USP31: variants seen among roughly 807,000 people sequenced by gnomAD.
USP31 encodes the protein ubiquitin specific peptidase 31, also known as ubiquitin carboxyl-terminal hydrolase 31.
Under a neutral mutation model 119.4 loss-of-function variants are expected in USP31, and 44 were observed. The observed-to-expected ratio is 0.37, with a 90% CI of 0.29 to 0.47. The LOEUF (loss-of-function observed/expected upper bound fraction) is 0.47, where lower values mean the gene tolerates loss of function less well. Among genes scored for constraint, USP31 ranks in the 20% least tolerant of loss-of-function variants. USP31 has a pLI of 0.99. For synonymous variants in USP31, 749 were observed against 705.6 expected (o/e 1.06, Z -0.97); for missense variants, 1,643 against 1,730.2 (o/e 0.95, Z 0.89).
In USP31 at chr16:23,080,099, C is replaced by T. The variant is rs201028579; in HGVS notation, c.2023G>A (p.Val675Met). The change falls in exon 13 of 16, where the codon GTG becomes ATG. Residue 675 changes from valine (V) to methionine (M), a missense_variant. Physicochemically the swap from Val to Met is conservative, Grantham distance 21 (BLOSUM62 1). Coordinates refer to ENST00000219689, the MANE Select transcript of USP31 (RefSeq NM_020718.4). ...CAGCTGCTCTGGCTCCTCTTAACCA[C>T]GTGAGGTGTCATGTCCAGGCCAGTC... is the stretch of plus-strand genomic sequence containing the variant. The part of the protein sequence containing the change: ...PLTGLDMTPH[V>M]VKRSQSSWSL... 34 of 1,611,726 alleles carry T rather than the reference C, an allele frequency of 2.1e-5. No homozygotes were observed. Among genetic ancestry groups the T allele is most frequent in the Admixed American group, 5.0e-5 (3 of 59,748 alleles).
intron 1 of USP31, among the ~76,000 whole-genome samples, chr16:23,126,146 T>A (rs764734899): frequency 2.0e-5 from 3 of 150,702 alleles, no homozygotes; most frequent in Non-Finnish European, 4.4e-5. Flanking sequence ...CAAGAATCTG[T>A]CTCTACAAGA....
chr16:23,095,342 C>T (rs1253332342), intron 6 of USP31, among the ~76,000 whole-genome samples: 2 of 152,084 alleles, frequency 1.3e-5, no homozygotes. Flanking sequence ...AAATATGGGG[C>T]TACGTGAAAA....
chr16:23,120,335 A>G (rs1206549015), intron 1 of USP31, among the ~76,000 whole-genome samples: 1 of 152,270 alleles, frequency 6.6e-6, no homozygotes, highest in Non-Finnish European at 1.5e-5. Flanking sequence ...CAAATGGTTG[A>G]GGGTTTAAAA....
Position 23,090,776 on chromosome 16 carries a change from G to C in USP31, c.1263C>G (p.His421Gln). 6.2e-7 allele frequency: 1 copy of C among 1,600,736 alleles called. No homozygotes were observed. The highest frequency in any genetic ancestry group is 8.5e-7 in the Non-Finnish European group (1 of 1,169,772). The change falls in exon 7 of 16, where the codon CAC becomes CAG. Residue 421 changes from histidine to glutamine, a missense_variant. Coordinates refer to ENST00000219689, the MANE Select transcript of USP31 (RefSeq NM_020718.4). ...TATGATAATCCAAGCCAAATTTCAA[G>C]TGGTTTAGGTTGTTGTTTAAATGAA... ...RGIHLNNNLNHLKFGLDYHRL... is the reference protein window; with the variant it reads ...RGIHLNNNLNQLKFGLDYHRL...
chr16:23,069,391 T>C lies in USP31; in HGVS notation c.2714A>G (p.Asp905Gly). 1 of 1,611,502 alleles carries C rather than the reference T, an allele frequency of 6.2e-7. No individual in the cohort carries two copies. The highest frequency in any genetic ancestry group is 1.7e-5 in the Admixed American group (1 of 59,948). Residue 905 changes from aspartate to glycine, a missense_variant, in exon 16 of 16, where the codon GAC becomes GGC. Around this residue, in one of 5 missense-constraint regions of USP31, gnomAD observed 699 missense variants for 650.9 expected, o/e 1.07. Coordinates refer to ENST00000219689, the MANE Select transcript of USP31 (RefSeq NM_020718.4). ...ACCAAAGCAAGAGATGGAGACCTTG[T>C]CATCTGCTGCCTCCCCAATCTTCTC... The part of the protein sequence containing the change: ...TLEKIGEAAD[D>G]KVSISCFGSL...
chr16:23,082,592 C>T, intron 11 of USP31, 35 bp from the exon 12 acceptor site: 1 of 1,613,056 alleles, frequency 6.2e-7, no homozygotes. Context: ...TTAAGTGCCA[C>T]TTAATGCAAG....
intron 1 of USP31, among the ~76,000 whole-genome samples, chr16:23,139,061 T>C (rs1420575148): frequency 6.6e-6 from 1 of 152,242 alleles, no homozygotes; most frequent in African/African-American, 2.4e-5. Flanking sequence ...TAAATCTATA[T>C]ATCCTGTCTG....
rs1174014441 is a variant in USP31, at chr16:23,067,724, AG to A, written c.*321del. On this transcript the variant is annotated 3_prime_UTR_variant, in exon 16 of 16. Coordinates refer to ENST00000219689, the MANE Select transcript of USP31 (RefSeq NM_020718.4). ...CAGGTTTCAAAACCCTCATATCCAAAGAAAGTCATTAGAGTTCTCTAGAAAG... is the reference window on the plus strand; with the variant it reads ...CAGGTTTCAAAACCCTCATATCCAAAAAAGTCATTAGAGTTCTCTAGAAAG... 2 of 195,040 alleles carry A rather than the reference AG, an allele frequency of 1.0e-5. No homozygotes were observed. Among genetic ancestry groups the A allele is most frequent in the Non-Finnish European group, 2.1e-5 (2 of 95,444 alleles). The allele number at this position is 195,040 out of a possible 1,614,324, so 12.1% of individuals were successfully genotyped here. A position where few individuals can be genotyped will look rare whatever the true frequency, so the allele number is the denominator to read the frequency against.
intron 13 of USP31, 24 bp from the exon 14 acceptor site, chr16:23,073,904 G>C (rs1336767138): frequency 6.2e-7 from 1 of 1,613,118 alleles, no homozygotes; most frequent in Non-Finnish European, 8.5e-7. Context: ...CCCGCCATCA[G>C]CACCAGGGGA....
At chr16:23,101,668 GGGTAGAGCAA>G (rs1901868014) in intron 6 of USP31, among the ~76,000 whole-genome samples, 2 of 151,990 alleles carry the variant, frequency 1.3e-5, no homozygotes, top group Non-Finnish European at 2.9e-5. Flanking sequence ...ATAACCACTG[GGGTAGAGCAA>G]AAGAAGAGGA....
intron 1 of USP31, among the ~76,000 whole-genome samples, chr16:23,142,903 G>A (rs1488548955): frequency 6.6e-6 from 1 of 152,178 alleles, no homozygotes; most frequent in Non-Finnish European, 1.5e-5. Flanking sequence ...AAACACTGAA[G>A]TATCAGTATA....
intron 13 of USP31, among the ~76,000 whole-genome samples, chr16:23,076,857 T>C (rs547253146): frequency 2.6e-5 from 4 of 152,166 alleles, no homozygotes; most frequent in African/African-American, 7.2e-5. Context: ...ACCGGGTGAG[T>C]TGTGAAGTTA....
At chr16:23,101,990 A>C (rs913488601) in intron 6 of USP31, among the ~76,000 whole-genome samples, 4 of 149,828 alleles carry the variant, frequency 2.7e-5, no homozygotes, top group African/African-American at 9.8e-5. Flanking sequence ...AAAAAAAAAA[A>C]AAAAACCTAT....
chr16:23,121,702 G>C (rs893479141), intron 1 of USP31, among the ~76,000 whole-genome samples: 2 of 152,150 alleles, frequency 1.3e-5, no homozygotes, highest in African/African-American at 4.8e-5. Context: ...ACAATGAAAT[G>C]CTATTTTCTA....
At chr16:23,083,355 T>G (rs1900923778) in intron 11 of USP31, among the ~76,000 whole-genome samples, 1 of 152,176 alleles carries the variant, frequency 6.6e-6, no homozygotes, top group African/African-American at 2.4e-5. Context: ...TCCACTAGAC[T>G]ACAAACAGCA....
chr16:23,102,306 G>A lies in USP31; in HGVS notation c.1234+13C>T. The A allele has an allele frequency of 1.9e-6, 3 of 1,608,454 alleles. No homozygotes were observed. The highest frequency in any genetic ancestry group is 2.5e-6 in the Non-Finnish European group (3 of 1,178,142). ...AAACCCAGGTGGCATTATGGAAACA[G>A]GAGCTCCCTTACCTCTTTGACTGAG... On this transcript the variant is annotated intron_variant, in intron 6 of 15. Transcript: ENST00000219689.
intron 1 of USP31, among the ~76,000 whole-genome samples, chr16:23,115,010 C>T (rs1454678729): frequency 3.3e-5 from 5 of 151,270 alleles, no homozygotes; most frequent in African/African-American, 1.2e-4. Context: ...GAATCCTAAG[C>T]TCAAGCTCCG....
rs1900444194 is a variant in USP31, at chr16:23,073,810, T to C, written c.2247A>G (p.Glu749=). 1 of 1,614,196 alleles carries C rather than the reference T, an allele frequency of 6.2e-7. No homozygotes were observed. ...ATGCTGTCTGCGTGCAGACCTCATC[T>C]TCTGACAGCTGCTGCACATCGCTGT... is the stretch of plus-strand genomic sequence containing the variant. ...FDDSDVQQLS[E]DEVCTQTAYI... Residue 749 remains glutamate, a synonymous_variant, in exon 14 of 16, where the codon GAA becomes GAG. Coordinates refer to ENST00000219689, the MANE Select transcript of USP31 (RefSeq NM_020718.4).
intron 1 of USP31, among the ~76,000 whole-genome samples, chr16:23,123,082 G>C (rs1902727930): frequency 6.6e-6 from 1 of 152,158 alleles, no homozygotes; most frequent in South Asian, 2.1e-4. Context: ...CTAATGGATG[G>C]TGTTAGAAGA....
Sources: gnomAD v4.1 joint callset for allele counts (sites outside exome capture counted in the v4.1 genomes callset) on GRCh38, gnomAD v4.1.1 for gene constraint, gnomAD v4.1.1 regional missense constraint, MANE v1.5 for transcripts, NCBI Gene and HGNC (gene_info 2026-07-23, HGNC 2026-07-21) for gene names.